TAPT1: variants seen among roughly 807,000 people sequenced by gnomAD.
TAPT1 encodes transmembrane anterior posterior transformation protein 1 homolog.
TAPT1 carries 28 observed loss-of-function variants against 65.6 expected under a neutral mutation model. The ratio of observed to expected loss-of-function variants is 0.43; its 90% CI spans 0.32 to 0.59. The LOEUF (loss-of-function observed/expected upper bound fraction) is 0.59. Ranked by LOEUF, TAPT1 falls within the 20% of genes least tolerant of loss-of-function variation. The probability of loss-of-function intolerance (pLI) is 0.09; values close to 1 mark genes in which losing one functional copy is unlikely to be tolerated. For synonymous variants in TAPT1, 278 were observed against 245.2 expected, an observed-to-expected ratio of 1.13 and a Z score of -1.25; for missense variants, 563 against 679.9, an observed-to-expected ratio of 0.83 and a Z score of 1.91.
upstream of TAPT1, chr4:16,226,490 C>G (rs1751576074): frequency 4.8e-6 from 5 of 1,041,994 alleles, no homozygotes; most frequent in Non-Finnish European, 5.8e-6. Flanking sequence ...CCCGCCGCCT[C>G]CCTCCAGCCT....
At chr4:16,179,734 C>A in intron 7 of TAPT1, 77 bp from the exon 8 acceptor site, 2 of 670,568 alleles carry the variant, frequency 3.0e-6, no homozygotes, top group Admixed American at 3.7e-5. Context: ...ATTATTTTAG[C>A]CAGAACATGA....
rs893097016 is a variant in TAPT1 at position 16,226,415 on chromosome 4, C to G, written c.43G>C (p.Gly15Arg). ...CGCTGCGGGCCGTCCACGCCGCCAC[C>G]GCCGCCTTCTCCCGGAGCGGCCGCG... ...GDAAAPGEGG[G>R]GGVDGPQRDG... The change falls in exon 1 of 14, where the codon GGT becomes CGT. Residue 15 changes from glycine (G) to arginine (R), a missense_variant. Gly to Arg is a moderately radical substitution (Grantham distance 125). Transcript: ENST00000405303. 1 of 1,088,672 alleles carries G rather than the reference C, an allele frequency of 9.2e-7. No homozygotes were observed. Among genetic ancestry groups the G allele is most frequent in the South Asian group, 4.3e-5 (1 of 23,126 alleles). The allele number at this position is 1,088,672 out of a possible 1,614,324, so 67.4% of individuals were successfully genotyped here. A position where few individuals can be genotyped will look rare whatever the true frequency, so the allele number is the denominator to read the frequency against.
At chr4:16,227,143 T>C (rs1305342554), upstream of TAPT1, 2 of 455,810 alleles carry the variant, frequency 4.4e-6, no homozygotes, top group Admixed American at 2.3e-5. Flanking sequence ...TCCAAAGCAT[T>C]TGGGCAAGAA....
chr4:16,202,578 C>T lies in TAPT1; in HGVS notation c.333G>A (p.Leu111=). The T allele has an allele frequency of 6.7e-7, 1 of 1,497,746 alleles. No individual in the cohort carries two copies. Among genetic ancestry groups the T allele is most frequent in the Non-Finnish European group, 9.0e-7 (1 of 1,114,412 alleles). The allele number at this position is 1,497,746 out of a possible 1,614,324, so 92.8% of individuals were successfully genotyped here. A position where few individuals can be genotyped will look rare whatever the true frequency, so the allele number is the denominator to read the frequency against. The change falls in exon 3 of 14, where the codon CTG becomes CTA. Residue 111 remains leucine, a splice_region_variant and synonymous_variant. Coordinates refer to ENST00000405303, the MANE Select transcript of TAPT1 (RefSeq NM_153365.3). ...GGCACAGAAAGATTCCAAAAACCAT[C>T]AGCTGAATTTTAACAAGGAGAGAAG... ...CLRIPRELEK[L]MVFGIFLCLD...
In TAPT1 at chr4:16,175,685, A is replaced by C. The variant is rs562974294; in HGVS notation, c.1107+434T>G. On this transcript the variant is annotated intron_variant, in intron 9 of 13. Transcript: ENST00000405303. ...TCAAAGTTTAAACACTTTCACCAGAAAAATGTAGGCTCTCGTCTTCTAAAA... is the reference window on the plus strand; with the variant it reads ...TCAAAGTTTAAACACTTTCACCAGACAAATGTAGGCTCTCGTCTTCTAAAA... Among the ~76,000 whole-genome samples, 24 of 152,328 alleles carry C rather than the reference A, an allele frequency of 1.6e-4. No homozygotes were observed. In the East Asian group the frequency reaches 2.1e-3, roughly 13 times the overall value.
intron 3 of TAPT1, among the ~76,000 whole-genome samples, chr4:16,197,618 T>C (rs946123304): frequency 3.3e-5 from 5 of 152,218 alleles, no homozygotes; most frequent in Admixed American, 1.3e-4. Context: ...TAACATAATA[T>C]AGAGCAGTCT....
chr4:16,166,305 A>G (rs1241893154), intron 13 of TAPT1, among the ~76,000 whole-genome samples: 3 of 152,186 alleles, frequency 2.0e-5, no homozygotes, highest in Non-Finnish European at 2.9e-5. Context: ...GTCACTTGAC[A>G]TAGTGCATAT....
At chr4:16,186,969 TTTC>T (rs1228978865) in intron 5 of TAPT1, 91 bp from the exon 6 acceptor site, 3 of 697,412 alleles carry the variant, frequency 4.3e-6, no homozygotes, top group Non-Finnish European at 7.4e-6. Flanking sequence ...TAAAGATGAC[TTTC>T]TTTTCTAAAT....
intron 12 of TAPT1, among the ~76,000 whole-genome samples, chr4:16,167,605 T>A (rs1464083471): frequency 6.6e-6 from 1 of 152,160 alleles, no homozygotes; most frequent in African/African-American, 2.4e-5. Context: ...TGTGTCTGTG[T>A]GGAGTCCTGA....
chr4:16,164,094 T>G (rs1001967191), intron 13 of TAPT1, among the ~76,000 whole-genome samples: 7 of 152,312 alleles, frequency 4.6e-5, no homozygotes, highest in Admixed American at 2.0e-4. Flanking sequence ...ACAGCTGGGC[T>G]GGGGCCTGGA....
At chr4:16,179,805 T>TGTATATATATATATATATATATAC (rs1748601038) in intron 7 of TAPT1, 148 bp from the exon 8 acceptor site, 1 of 251,288 alleles carries the variant, frequency 4.0e-6, no homozygotes, top group African/African-American at 3.5e-5. Context: ...TATATATATG[T>TGTATATATATATATATATATATAC]GTGTGTGTGT....
intron 5 of TAPT1, 75 bp from the exon 6 acceptor site, chr4:16,186,953 GAAT>G (rs1233496327): frequency 1.3e-6 from 1 of 760,096 alleles, no homozygotes; most frequent in East Asian, 2.7e-5. Context: ...TTTTGAAAGT[GAAT>G]AATAAAGATG....
intron 4 of TAPT1, among the ~76,000 whole-genome samples, chr4:16,189,767 A>C (rs1004975755): frequency 1.3e-5 from 2 of 152,228 alleles, no homozygotes; most frequent in Non-Finnish European, 2.9e-5. Context: ...TCAGCAATTC[A>C]TGGATCCTTT....
At chr4:16,222,241 CTG>C (rs1374923839) in intron 1 of TAPT1, among the ~76,000 whole-genome samples, 4 of 152,306 alleles carry the variant, frequency 2.6e-5, no homozygotes, top group African/African-American at 7.2e-5. Flanking sequence ...AAGTTAAAAA[CTG>C]TCAAAAGCCA....
At chr4:16,219,546 T>C (rs1751130577) in intron 1 of TAPT1, among the ~76,000 whole-genome samples, 1 of 152,232 alleles carries the variant, frequency 6.6e-6, no homozygotes. Context: ...AATGATACAC[T>C]AAAGAAATAC....
At chr4:16,166,883 G>C in intron 12 of TAPT1, 90 bp from the exon 13 acceptor site, 1 of 1,309,684 alleles carries the variant, frequency 7.6e-7, no homozygotes, top group Non-Finnish European at 1.1e-6. Flanking sequence ...GGAGAAGGTG[G>C]GGGGGCATGG....
At chr4:16,196,434 C>T (rs1002410216) in intron 3 of TAPT1, among the ~76,000 whole-genome samples, 5 of 152,114 alleles carry the variant, frequency 3.3e-5, no homozygotes, top group African/African-American at 9.7e-5. Context: ...GACTTTTGAG[C>T]GGATTTTCAT....
intron 3 of TAPT1, among the ~76,000 whole-genome samples, chr4:16,201,919 A>C (rs1180802805): frequency 1.3e-5 from 2 of 152,134 alleles, no homozygotes; most frequent in South Asian, 4.1e-4. Context: ...CCGTGGGGAC[A>C]ATGGTCTTCC....
chr4:16,226,381 C>A lies in TAPT1; in HGVS notation c.77G>T (p.Arg26Leu), dbSNP rs1751565265. The A allele has an allele frequency of 2.5e-5, 28 of 1,103,722 alleles. No individual in the cohort carries two copies. Among genetic ancestry groups the A allele is most frequent in the Non-Finnish European group, 3.1e-5 (28 of 907,146 alleles). 68.4% of individuals were successfully genotyped at this position (1,103,722 alleles called of 1,614,324 possible). ...GGVDGPQRDG[R>L]GEAEQPGGSG... is the part of the protein sequence containing the mutation. ...GCCGCCCGGCTGCTCCGCCTCGCCG[C>A]GGCCGTCCCGCTGCGGGCCGTCCAC... The change falls in exon 1 of 14, where the codon CGC becomes CTC. Residue 26 changes from arginine (R) to leucine (L), a missense_variant. By Grantham distance (102) the Arg-to-Leu change is moderately radical. Around this residue, in one of 5 missense-constraint regions of TAPT1, gnomAD observed 103 missense variants for 89.4 expected, o/e 1.15. Transcript: ENST00000405303.
Sources: gnomAD v4.1 joint callset for allele counts (sites outside exome capture counted in the v4.1 genomes callset) on GRCh38, gnomAD v4.1.1 for gene constraint, gnomAD v4.1.1 regional missense constraint, MANE v1.5 for transcripts, NCBI Gene and HGNC (gene_info 2026-07-23, HGNC 2026-07-21) for gene names.